ZNF704: variants seen among roughly 807,000 people sequenced by gnomAD.
ZNF704 encodes glucocorticoid induced gene 1.
ZNF704 carries 10 observed loss-of-function variants against 44.7 expected under a neutral mutation model. That is an observed-to-expected ratio of 0.22 (90% confidence interval 0.14 to 0.38). The LOEUF (loss-of-function observed/expected upper bound fraction) is 0.38. Ranked by LOEUF, ZNF704 falls within the 10% of genes least tolerant of loss-of-function variation. ZNF704 has a pLI of 1.00. For missense variants in ZNF704, 390 were observed against 545.5 expected, an observed-to-expected ratio of 0.71 and a Z score of 2.84; for synonymous variants, 211 against 207.6, an observed-to-expected ratio of 1.02 and a Z score of -0.14.
chr8:80,826,258 C>T (rs1258767353), intron 1 of ZNF704, among the ~76,000 whole-genome samples: 1 of 152,184 alleles, frequency 6.6e-6, no homozygotes, highest in East Asian at 1.9e-4. Flanking sequence ...CACCACCGAT[C>T]CCACAGAAAT....
intron 2 of ZNF704, among the ~76,000 whole-genome samples, chr8:80,819,125 A>C (rs1485899175): frequency 6.6e-6 from 1 of 152,164 alleles, no homozygotes; most frequent in African/African-American, 2.4e-5. Flanking sequence ...ATAATAGATT[A>C]ATACATCTAA....
At chr8:80,847,889 C>G (rs1808793057) in intron 1 of ZNF704, among the ~76,000 whole-genome samples, 1 of 152,176 alleles carries the variant, frequency 6.6e-6, no homozygotes, top group Non-Finnish European at 1.5e-5. Flanking sequence ...TAAAACTAAA[C>G]ATGCACTTAC....
chr8:80,629,046 A>T lies in ZNF704; in HGVS notation c.*12320T>A, dbSNP rs925619947. Reference sequence around the variant, plus strand: ...TCCTGGTGTTAAATATTTAGGAAACATTTTTTTTTTTAAAAAACGAACACA... The same window carrying T: ...TCCTGGTGTTAAATATTTAGGAAACTTTTTTTTTTTTAAAAAACGAACACA... On this transcript the variant is annotated 3_prime_UTR_variant, in exon 9 of 9. Coordinates refer to ENST00000327835, the MANE Select transcript of ZNF704 (RefSeq NM_001033723.3). 2.0e-5 allele frequency: 3 copies of T among 146,830 alleles called. No homozygotes were observed. The highest frequency in any genetic ancestry group is 4.4e-5 in the Non-Finnish European group (3 of 67,668). The allele number at this position is 146,830 out of a possible 1,614,324, so 9.1% of individuals were successfully genotyped here. A position where few individuals can be genotyped will look rare whatever the true frequency, so the allele number is the denominator to read the frequency against.
At chr8:80,657,411 A>G (rs1277820842) in intron 7 of ZNF704, among the ~76,000 whole-genome samples, 1 of 152,158 alleles carries the variant, frequency 6.6e-6, no homozygotes, top group African/African-American at 2.4e-5. Context: ...AGAAGCTCTC[A>G]GCTGGGCGCA....
chr8:80,713,356 C>T (rs1362920045), intron 2 of ZNF704, among the ~76,000 whole-genome samples: 1 of 152,142 alleles, frequency 6.6e-6, no homozygotes. Flanking sequence ...ACCAAGTCTC[C>T]CCATCTTGCC....
chr8:80,715,535 G>A (rs1563528935), intron 2 of ZNF704, among the ~76,000 whole-genome samples: 1 of 152,200 alleles, frequency 6.6e-6, no homozygotes, highest in Non-Finnish European at 1.5e-5. Flanking sequence ...CTACGTGGGA[G>A]CATGAGGCCC....
chr8:80,796,095 T>C (rs1353874848), intron 2 of ZNF704, among the ~76,000 whole-genome samples: 1 of 152,228 alleles, frequency 6.6e-6, no homozygotes, highest in East Asian at 1.9e-4. Context: ...TTAGTCCATA[T>C]TCTGTTGCTT....
chr8:80,795,718 C>A (rs1210027651), intron 2 of ZNF704, among the ~76,000 whole-genome samples: 56 of 113,776 alleles, frequency 4.9e-4, no homozygotes, highest in Non-Finnish European at 6.1e-4. Context: ...AACTCCATCT[C>A]AAAAAAAAAA....
intron 5 of ZNF704, 117 bp from the exon 6 acceptor site, chr8:80,665,199 C>A: frequency 1.8e-6 from 2 of 1,120,190 alleles, no homozygotes; most frequent in African/African-American, 3.1e-5. Flanking sequence ...GTTTGCCTTG[C>A]AAACTCTTCC....
intron 2 of ZNF704, among the ~76,000 whole-genome samples, chr8:80,705,366 C>T (rs1041754529): frequency 2.0e-5 from 3 of 148,414 alleles, no homozygotes; most frequent in South Asian, 4.2e-4. Flanking sequence ...AGTTGTGTGT[C>T]GGGGCCTTGT....
chr8:80,725,331 A>C (rs1806458853), intron 2 of ZNF704, among the ~76,000 whole-genome samples: 1 of 152,202 alleles, frequency 6.6e-6, no homozygotes, highest in African/African-American at 2.4e-5. Flanking sequence ...ATTTTTGTAT[A>C]AGTATATCCC....
chr8:80,855,027 AC>A (rs1016576434), intron 1 of ZNF704, among the ~76,000 whole-genome samples: 1 of 152,180 alleles, frequency 6.6e-6, no homozygotes, highest in Admixed American at 6.5e-5. Context: ...AACAATCCAT[AC>A]AGTCTTTAAG....
intron 1 of ZNF704, among the ~76,000 whole-genome samples, chr8:80,844,394 C>G (rs770261862): frequency 6.6e-6 from 1 of 152,128 alleles, no homozygotes; most frequent in Non-Finnish European, 1.5e-5. Flanking sequence ...AGAGGGCTAC[C>G]TAGCTCTCTG....
chr8:80,730,710 A>T lies in ZNF704; in HGVS notation c.222-37603T>A, dbSNP rs572385361. Among the ~76,000 whole-genome samples, 9 of 152,186 alleles carry T rather than the reference A, an allele frequency of 5.9e-5. No homozygotes were observed. In the East Asian group the frequency reaches 1.5e-3, roughly 26 times the overall value. On this transcript the variant is annotated intron_variant, in intron 2 of 8. Coordinates refer to ENST00000327835, the MANE Select transcript of ZNF704 (RefSeq NM_001033723.3). ...TCTCCTTCCATTTTTTAAAGCTATA[A>T]CTTTGCAAACAACATTACTTCTAAA...
intron 2 of ZNF704, among the ~76,000 whole-genome samples, chr8:80,797,384 A>G (rs1417536884): frequency 6.6e-6 from 1 of 152,180 alleles, no homozygotes; most frequent in Non-Finnish European, 1.5e-5. Flanking sequence ...CGCCCCTGCA[A>G]AAAGTCTTCT....
At chr8:80,697,667 T>C (rs7835471) in intron 2 of ZNF704, among the ~76,000 whole-genome samples, 3,572 of 152,312 alleles carry the variant, frequency 0.023, 141 homozygotes, top group African/African-American at 0.081. Flanking sequence ...AAACATAGAC[T>C]TGTTGAGAGG....
At position 80,641,162 on chromosome 8, in the gene ZNF704, C is replaced by T. The variant is rs1316828964; in HGVS notation, c.*204G>A. 2 of 403,036 alleles carry T rather than the reference C, an allele frequency of 5.0e-6. No individual in the cohort carries two copies. The highest frequency in any genetic ancestry group is 4.0e-5 in the African/African-American group (2 of 49,508). The allele number at this position is 403,036 out of a possible 1,614,324, so 25.0% of individuals were successfully genotyped here. ...TTATAGCTGCTCCAAGCTGGGTTCT[C>T]AGTAAGAGCAACTTTCTTTTGTCAT... On this transcript the variant is annotated 3_prime_UTR_variant, in exon 9 of 9. Transcript: ENST00000327835.
chr8:80,798,884 T>TC (rs1807853449), intron 2 of ZNF704, among the ~76,000 whole-genome samples: 1 of 152,322 alleles, frequency 6.6e-6, no homozygotes, highest in Middle Eastern at 3.4e-3. Flanking sequence ...GGCTGAGAAG[T>TC]CCAAGGTTTA....
chr8:80,694,415 A>G (rs1818692409), intron 2 of ZNF704: 1 of 152,204 alleles, frequency 6.6e-6, no homozygotes, highest in African/African-American at 2.4e-5. Flanking sequence ...GTGTCGTACG[A>G]TGAAATCAAA....
Sources: gnomAD v4.1 joint callset for allele counts (sites outside exome capture counted in the v4.1 genomes callset) on GRCh38, gnomAD v4.1.1 for gene constraint, MANE v1.5 for transcripts, NCBI Gene and HGNC (gene_info 2026-07-23, HGNC 2026-07-21) for gene names.